Variants in C5orf22 observed in about 807,000 individuals in gnomAD.
The protein encoded by C5orf22 is chromosome 5 open reading frame 22.
In C5orf22, 36 loss-of-function variants were observed where a neutral mutation model predicts 48.7. The ratio of observed to expected loss-of-function variants is 0.74; its 90% CI spans 0.57 to 0.98. C5orf22 has a LOEUF of 0.98. C5orf22 is among the 50% of genes least tolerant of loss of function. The pLI is 0.00. For missense variants in C5orf22, 486 were observed against 521.9 expected, an observed-to-expected ratio of 0.93 and a Z score of 0.67; for synonymous variants, 141 against 180.8, an observed-to-expected ratio of 0.78 and a Z score of 1.76.
Position 31,532,402 on chromosome 5 carries a change from T to C in C5orf22, c.10T>C (p.Ser4Pro). The C allele has an allele frequency of 6.2e-7, 1 of 1,613,846 alleles. No individual in the cohort carries two copies. The highest frequency in any genetic ancestry group is 8.5e-7 in the Non-Finnish European group (1 of 1,179,916). ...TGACGGGCGCAAAAACATGAGTGAC[T>C]CCGCGGGAGGGCGCGCTGGTCTCCG... MSD[S>P]AGGRAGLRRY... Residue 4 changes from serine (S) to proline (P), a missense_variant, in exon 1 of 9, where the codon TCC becomes CCC. Transcript: ENST00000325366.
rs766485215 is a variant in C5orf22 at position 31,532,474 on chromosome 5, G to C, written c.81+1G>C. On this transcript the variant is annotated splice_donor_variant, in intron 1 of 8. Coordinates refer to ENST00000325366, the MANE Select transcript of C5orf22 (RefSeq NM_018356.3). LOFTEE classifies it high-confidence loss of function. ...GTGGGTGGTGGAGGATCATCAGGAGGTGAGCGGACGGCAACAGGGCTCTGG... is the reference window on the plus strand; with the variant it reads ...GTGGGTGGTGGAGGATCATCAGGAGCTGAGCGGACGGCAACAGGGCTCTGG... The C allele has an allele frequency of 6.2e-7, 1 of 1,612,860 alleles. No individual in the cohort carries two copies. Among genetic ancestry groups the C allele is most frequent in the Admixed American group, 1.7e-5 (1 of 59,934 alleles).
chr5:31,553,387 G>A lies in C5orf22; in HGVS notation c.*485G>A, dbSNP rs1023177781. 6.5e-6 allele frequency: 1 copy of A among 152,722 alleles called. No homozygotes were observed. The highest frequency in any genetic ancestry group is 2.4e-5 in the African/African-American group (1 of 41,348). 9.5% of individuals were successfully genotyped at this position (152,722 alleles called of 1,614,324 possible). On this transcript the variant is annotated 3_prime_UTR_variant, in exon 9 of 9. Transcript: ENST00000325366. ...TACGGGTTATGAGAAATGTTATGAA[G>A]GAAAGGACAACAACAGACATGTCTT...
In C5orf22 at chr5:31,538,512, A is replaced by C. The variant is rs776419974; in HGVS notation, c.630A>C (p.Arg210Ser). The C allele has an allele frequency of 6.2e-7, 1 of 1,614,210 alleles. No individual in the cohort carries two copies. ...EGLEKDTATQ[R>S]SDQTCLEPSC... ...TGGAAAAGGACACAGCAACACAGAG[A>C]AGTGACCAGACTTGCCTAGAACCAT... Residue 210 changes from arginine to serine, a missense_variant, in exon 4 of 9, where the codon AGA becomes AGC. Around this residue, in one of 3 missense-constraint regions of C5orf22, gnomAD observed 408 missense variants for 444.0 expected, o/e 0.92. Transcript: ENST00000325366.
intron 2 of C5orf22, chr5:31,535,124 C>A: frequency 2.6e-6 from 1 of 389,766 alleles, no homozygotes; most frequent in Non-Finnish European, 5.1e-6. Flanking sequence ...TGATAGTGCG[C>A]CAAAACTTGA....
intron 6 of C5orf22, among the ~76,000 whole-genome samples, chr5:31,542,715 A>T (rs551821386): frequency 6.6e-6 from 1 of 152,170 alleles, no homozygotes; most frequent in Non-Finnish European, 1.5e-5. Context: ...TTTTCTCTAA[A>T]ATAATTCTTA....
At chr5:31,534,535 CTTTT>C in intron 2 of C5orf22, 118 bp downstream of exon 2, 1 of 868,186 alleles carries the variant, frequency 1.2e-6, no homozygotes, top group Non-Finnish European at 1.7e-6. Flanking sequence ...TTTTGTTTGT[CTTTT>C]TGTCTTTTTC....
chr5:31,541,655 C>T (rs574849671), intron 6 of C5orf22, among the ~76,000 whole-genome samples: 4 of 152,140 alleles, frequency 2.6e-5, no homozygotes, highest in East Asian at 1.9e-4. Flanking sequence ...AGCCACTGCT[C>T]CCAGCTACTT....
rs562024290 is a variant in C5orf22, at chr5:31,553,313, G to A, written c.*411G>A. On this transcript the variant is annotated 3_prime_UTR_variant, in exon 9 of 9. Transcript: ENST00000325366. ...AGTGCTGGGTATATGGTAATGAACA[G>A]AATAGACAAGGCCCCTGCCCTTTTA... is the stretch of plus-strand genomic sequence containing the variant. 1 of 160,548 alleles carries A rather than the reference G, an allele frequency of 6.2e-6. No homozygotes were observed. Among genetic ancestry groups the A allele is most frequent in the Admixed American group, 6.0e-5 (1 of 16,686 alleles). 9.9% of individuals were successfully genotyped at this position (160,548 alleles called of 1,614,324 possible).
chr5:31,534,485 A>T, intron 2 of C5orf22, 68 bp downstream of exon 2: 1 of 1,392,102 alleles, frequency 7.2e-7, no homozygotes, highest in East Asian at 2.3e-5. Flanking sequence ...ATAAGCAATT[A>T]TAGGAAATAG....
intron 1 of C5orf22, among the ~76,000 whole-genome samples, chr5:31,533,825 C>T (rs1741890269): frequency 6.6e-6 from 1 of 152,084 alleles, no homozygotes; most frequent in Admixed American, 6.5e-5. Context: ...TCGTGTGAAC[C>T]CAGGAGTCCA....
intron 7 of C5orf22, 37 bp downstream of exon 7, chr5:31,545,749 T>G: frequency 7.3e-7 from 1 of 1,363,218 alleles, no homozygotes; most frequent in South Asian, 1.3e-5. Flanking sequence ...ATTGACCCTT[T>G]GTAAAGACAA....
chr5:31,541,159 G>A, intron 5 of C5orf22, 122 bp from the exon 6 acceptor site: 1 of 1,062,916 alleles, frequency 9.4e-7, no homozygotes, highest in East Asian at 2.6e-5. Context: ...TATTGGCGAA[G>A]CCCATGGTTA....
At position 31,554,436 on chromosome 5, in the gene C5orf22, G is replaced by T. The variant is rs1052709706; in HGVS notation, c.*1534G>T. ...TTTTGTCACCGAGTTAATTTCCCAA[G>T]TCTGATAGCATGAATGCTTATTTGT... On this transcript the variant is annotated 3_prime_UTR_variant, in exon 9 of 9. Transcript: ENST00000325366. 1 of 152,132 alleles carries T rather than the reference G, an allele frequency of 6.6e-6. No homozygotes were observed. The highest frequency in any genetic ancestry group is 1.5e-5 in the Non-Finnish European group (1 of 68,032). The allele number at this position is 152,132 out of a possible 1,614,324, so 9.4% of individuals were successfully genotyped here.
intron 3 of C5orf22, among the ~76,000 whole-genome samples, chr5:31,536,349 T>C (rs1227148753): frequency 6.6e-6 from 1 of 151,988 alleles, no homozygotes; most frequent in Non-Finnish European, 1.5e-5. Context: ...TGAAACACCG[T>C]CTCTACTAAA....
intron 6 of C5orf22, 39 bp from the exon 7 acceptor site, chr5:31,545,607 G>GGTTGTGAT: frequency 7.2e-7 from 1 of 1,397,252 alleles, no homozygotes. Flanking sequence ...TAGTTGTGGT[G>GGTTGTGAT]GTTGTGATGT....
chr5:31,548,640 A>G, intron 7 of C5orf22: 1 of 426,412 alleles, frequency 2.3e-6, no homozygotes, highest in Non-Finnish European at 4.7e-6. Flanking sequence ...TGAGCCCTCC[A>G]AACTGTTCCA....
At chr5:31,552,647 A>G (rs1209255632) in intron 8 of C5orf22, 126 bp from the exon 9 acceptor site, 2 of 738,152 alleles carry the variant, frequency 2.7e-6, no homozygotes, top group Non-Finnish European at 4.4e-6. Context: ...CTTTCAATTG[A>G]TATTAATCCA....
At position 31,534,288 on chromosome 5, in the gene C5orf22, A is replaced by T. The variant is rs1427402925; in HGVS notation, c.98A>T (p.Tyr33Phe). The change falls in exon 2 of 9, where the codon TAC becomes TTC. Residue 33 changes from tyrosine (Y) to phenylalanine (F), a missense_variant. By Grantham distance (22) the Tyr-to-Phe change is conservative. Coordinates refer to ENST00000325366, the MANE Select transcript of C5orf22 (RefSeq NM_018356.3). ...EDHQEVLPFIYRAIGSKHLPA... is the reference protein window; with the variant it reads ...EDHQEVLPFIFRAIGSKHLPA... ...CTTTTACAGGTTCTACCCTTTATAT[A>T]CCGGGCCATAGGCTCAAAGCATCTT... 1.2e-6 allele frequency: 2 copies of T among 1,613,250 alleles called. No homozygotes were observed. Among genetic ancestry groups the T allele is most frequent in the African/African-American group, 2.7e-5 (2 of 74,842 alleles).
chr5:31,538,470 CTCTTCTTCAGAA>C lies in C5orf22; in HGVS notation c.589_600del (p.Ser197_Glu200del). ...AAAACACTGCCTCTACTAACTGTGA[CTCTTCTTCAGAA>C]GGACTGGAAAAGGACACAGCAACAC... On this transcript the variant is annotated inframe_deletion, in exon 4 of 9. Coordinates refer to ENST00000325366, the MANE Select transcript of C5orf22 (RefSeq NM_018356.3). The C allele has an allele frequency of 6.2e-7, 1 of 1,614,202 alleles. No individual in the cohort carries two copies. Among genetic ancestry groups the C allele is most frequent in the Non-Finnish European group, 8.5e-7 (1 of 1,180,034 alleles).
Sources: allele counts gnomAD v4.1 joint callset (sites outside exome capture counted in the v4.1 genomes callset), GRCh38; gene constraint gnomAD v4.1.1; regional missense constraint gnomAD v4.1.1; transcripts MANE v1.5; gene names NCBI Gene and HGNC (gene_info 2026-07-23, HGNC 2026-07-21).